The following MAP1LC3B variants were observed in gnomAD, a reference collection of about 807,000 sequenced individuals.
The protein encoded by MAP1LC3B is microtubule-associated protein 1 light chain 3 beta.
A neutral mutation model predicts 16.7 loss-of-function variants in MAP1LC3B; 12 were observed. That is an observed-to-expected ratio of 0.72 (90% CI 0.46 to 1.16). The LOEUF is 1.16. MAP1LC3B is among the 50% of genes most tolerant of loss of function. The pLI is 0.00. For missense variants in MAP1LC3B, 155 were observed against 159.5 expected (o/e 0.97, Z 0.15); for synonymous variants, 63 against 56.5 (o/e 1.11, Z -0.51).
intron 2 of MAP1LC3B, chr16:87,399,328 G>C (rs1907907368): frequency 3.8e-6 from 1 of 265,850 alleles, no homozygotes; most frequent in South Asian, 3.7e-5. Context: ...CAAGATTTCT[G>C]TACTGCCTCT....
chr16:87,396,782 A>G (rs1462223886), intron 1 of MAP1LC3B: 1 of 152,174 alleles, frequency 6.6e-6, no homozygotes, highest in Non-Finnish European at 1.5e-5. Flanking sequence ...AAGAGCCACT[A>G]GGTTAATTTT....
rs756997154 is a variant in MAP1LC3B, at chr16:87,398,854, A to C, written c.80A>C (p.His27Pro). 1 of 1,614,050 alleles carries C rather than the reference A, an allele frequency of 6.2e-7. No individual in the cohort carries two copies. The highest frequency in any genetic ancestry group is 8.5e-7 in the Non-Finnish European group (1 of 1,179,988). ...VEDVRLIREQ[H>P]PTKIPVIIER... ...GATGTCCGACTTATTCGAGAGCAGC[A>C]TCCAACCAAAATCCCGGTAGGTAGT... is the stretch of plus-strand genomic sequence containing the variant. Residue 27 changes from histidine to proline, a missense_variant, in exon 2 of 4, where the codon CAT becomes CCT. Transcript: ENST00000268607.
At chr16:87,397,553 G>C (rs1296875907) in intron 1 of MAP1LC3B, among the ~76,000 whole-genome samples, 1 of 152,200 alleles carries the variant, frequency 6.6e-6, no homozygotes, top group Non-Finnish European at 1.5e-5. Flanking sequence ...AGGAGGCGGA[G>C]CTTGCAGTGA....
At chr16:87,395,894 G>A (rs1190425459) in intron 1 of MAP1LC3B, among the ~76,000 whole-genome samples, 11 of 116,170 alleles carry the variant, frequency 9.5e-5, no homozygotes, top group South Asian at 5.7e-4. Flanking sequence ...AGGATCTCGC[G>A]CTGTCACCCA....
At chr16:87,395,907 C>T (rs990790457) in intron 1 of MAP1LC3B, among the ~76,000 whole-genome samples, 8 of 119,684 alleles carry the variant, frequency 6.7e-5, no homozygotes, top group African/African-American at 2.3e-4. Flanking sequence ...GTCACCCAGG[C>T]TGGAGTGCAG....
intron 1 of MAP1LC3B, 107 bp from the exon 2 acceptor site, chr16:87,398,708 C>A: frequency 5.4e-6 from 5 of 931,194 alleles, no homozygotes; most frequent in Non-Finnish European, 5.2e-6. Flanking sequence ...CTTCAGTGTT[C>A]TGCTGTGCCA....
At chr16:87,400,587 T>C (rs1047192688) in intron 2 of MAP1LC3B, among the ~76,000 whole-genome samples, 1 of 152,240 alleles carries the variant, frequency 6.6e-6, no homozygotes, top group Non-Finnish European at 1.5e-5. Flanking sequence ...TAATGGACTC[T>C]ACTTGCCTTG....
intron 2 of MAP1LC3B, among the ~76,000 whole-genome samples, chr16:87,401,408 C>T (rs1907989075): frequency 6.6e-6 from 1 of 152,192 alleles, no homozygotes; most frequent in South Asian, 2.1e-4. Flanking sequence ...GATGTCTAAG[C>T]TAGCAAATGA....
At chr16:87,396,742 C>G (rs565520510) in intron 1 of MAP1LC3B, 3 of 152,126 alleles carry the variant, frequency 2.0e-5, no homozygotes. Flanking sequence ...CTGAGAATCT[C>G]GCTGGGAAGT....
intron 1 of MAP1LC3B, 95 bp from the exon 2 acceptor site, chr16:87,398,720 A>C (rs1907887863): frequency 2.8e-6 from 3 of 1,067,504 alleles, no homozygotes; most frequent in Non-Finnish European, 4.3e-6. Flanking sequence ...GCTGTGCCAC[A>C]GCTAGCAGCT....
Position 87,403,137 on chromosome 16 carries a change from C to T in MAP1LC3B, c.*40C>T, listed in dbSNP as rs1369967519. The T allele has an allele frequency of 3.8e-6, 6 of 1,561,040 alleles. No homozygotes were observed. Among genetic ancestry groups the T allele is most frequent in the Middle Eastern group, 1.7e-4 (1 of 5,800 alleles). On this transcript the variant is annotated 3_prime_UTR_variant, in exon 4 of 4. Coordinates refer to ENST00000268607, the MANE Select transcript of MAP1LC3B (RefSeq NM_022818.5). ...CAGCTCTTCTAGAATTGTTTAAACC[C>T]TTACCAAGGAAAAAAAAGGGATGTT...
At chr16:87,396,392 A>G (rs757625436) in intron 1 of MAP1LC3B, among the ~76,000 whole-genome samples, 3 of 151,556 alleles carry the variant, frequency 2.0e-5, no homozygotes, top group Non-Finnish European at 4.4e-5. Flanking sequence ...GGAGAATGGC[A>G]TGAACCTGGG....
chr16:87,396,336 G>T (rs184983115), intron 1 of MAP1LC3B, among the ~76,000 whole-genome samples: 3,572 of 151,930 alleles, frequency 0.024, 80 homozygotes, highest in Middle Eastern at 0.1. Flanking sequence ...TTAGCCGGGC[G>T]TGGTGGCGGG....
At chr16:87,398,079 G>A (rs550687317) in intron 1 of MAP1LC3B, among the ~76,000 whole-genome samples, 1 of 151,736 alleles carries the variant, frequency 6.6e-6, no homozygotes, top group South Asian at 2.1e-4. Context: ...CTGGAGTGCA[G>A]TGGTGCAATG....
In MAP1LC3B at chr16:87,398,878, G is replaced by C. The variant is rs748694363; in HGVS notation, c.96+8G>C. 11 of 1,613,350 alleles carry C rather than the reference G, an allele frequency of 6.8e-6. No homozygotes were observed. In the East Asian group the frequency reaches 1.1e-4, roughly 16 times the overall value. On this transcript the variant is annotated splice_region_variant and intron_variant, in intron 2 of 3. Transcript: ENST00000268607. Reference sequence around the variant, plus strand: ...CATCCAACCAAAATCCCGGTAGGTAGTCTCAGGCCTCGGTTTCAGTCATGA... The same window carrying C: ...CATCCAACCAAAATCCCGGTAGGTACTCTCAGGCCTCGGTTTCAGTCATGA...
chr16:87,400,704 C>CTTTT (rs764527064), intron 2 of MAP1LC3B, among the ~76,000 whole-genome samples: 1 of 139,170 alleles, frequency 7.2e-6, no homozygotes. Flanking sequence ...CAGGCATTTA[C>CTTTT]TTTTTTTTTT....
chr16:87,399,713 AAAAC>A, intron 2 of MAP1LC3B: 14 of 391,602 alleles, frequency 3.6e-5, no homozygotes, highest in South Asian at 2.4e-4. Flanking sequence ...AAACTAAAAA[AAAAC>A]AAAATATTTT....
intron 3 of MAP1LC3B, 45 bp downstream of exon 3, chr16:87,402,326 T>C (rs1908023427): frequency 6.5e-7 from 1 of 1,533,836 alleles, no homozygotes; most frequent in East Asian, 2.3e-5. Flanking sequence ...TTTGAGTAAC[T>C]TCTTATTCTT....
intron 1 of MAP1LC3B, among the ~76,000 whole-genome samples, chr16:87,398,230 G>C (rs909234725): frequency 6.6e-6 from 1 of 152,092 alleles, no homozygotes; most frequent in Non-Finnish European, 1.5e-5. Flanking sequence ...GTTTCACCAT[G>C]TTGGCCAGGC....
Sources: allele counts gnomAD v4.1 joint callset (sites outside exome capture counted in the v4.1 genomes callset), GRCh38; gene constraint gnomAD v4.1.1; transcripts MANE v1.5; gene names NCBI Gene and HGNC (gene_info 2026-07-23, HGNC 2026-07-21).